Variants in POLR1D observed in about 807,000 individuals in gnomAD.
The protein encoded by POLR1D is DNA-directed RNA polymerases I and III subunit RPAC2.
In POLR1D, 8 loss-of-function variants were observed where a neutral mutation model predicts 10.8. The observed-to-expected ratio is 0.74, with a 90% CI of 0.43 to 1.33. The LOEUF (loss-of-function observed/expected upper bound fraction) is 1.33, where lower values mean the gene tolerates loss of function less well. Ranked by LOEUF, POLR1D falls within the 40% of genes most tolerant of loss-of-function variation. The pLI, the probability that POLR1D is intolerant of heterozygous loss-of-function variation, is 0.01. For synonymous variants in POLR1D, 54 were observed against 57.2 expected, an observed-to-expected ratio of 0.94 and a Z score of 0.25; for missense variants, 152 against 161.7, an observed-to-expected ratio of 0.94 and a Z score of 0.32.
At chr13:27,661,202 G>A (rs886512113) in intron 2 of POLR1D, among the ~76,000 whole-genome samples, 5 of 152,158 alleles carry the variant, frequency 3.3e-5, no homozygotes, top group African/African-American at 4.8e-5. Flanking sequence ...GTTTCAAAGT[G>A]AAGGAAATTG....
At chr13:27,647,425 G>A (rs1172519760) in intron 1 of POLR1D, among the ~76,000 whole-genome samples, 3 of 151,758 alleles carry the variant, frequency 2.0e-5, no homozygotes, top group Non-Finnish European at 2.9e-5. Context: ...GTCTTGCTAT[G>A]TTGCCCAGGC....
Position 27,622,857 on chromosome 13 carries a change from TA to T in POLR1D, c.27-12del. Reference sequence around the variant, plus strand: ...AATATTCAGTATGATCTCATTTTTATAAAAAATATGTGTGTAGAAAAATATC... The same window carrying T: ...AATATTCAGTATGATCTCATTTTTATAAAAATATGTGTGTAGAAAAATATC... On this transcript the variant is annotated splice_polypyrimidine_tract_variant and intron_variant, in intron 1 of 1. Coordinates refer to ENST00000302979, the MANE Select transcript of POLR1D (RefSeq NM_015972.4). 3 of 1,544,932 alleles carry T rather than the reference TA, an allele frequency of 1.9e-6. No homozygotes were observed. Among genetic ancestry groups the T allele is most frequent in the Non-Finnish European group, 2.7e-6 (3 of 1,118,220 alleles).
intron 2 of POLR1D, chr13:27,665,555 G>A: frequency 1.2e-6 from 1 of 827,784 alleles, no homozygotes; most frequent in Non-Finnish European, 2.1e-6. Context: ...TGGCATGCAA[G>A]GAAAGCTAAC....
At chr13:27,646,650 A>G (rs1956223248) in intron 1 of POLR1D, among the ~76,000 whole-genome samples, 1 of 152,256 alleles carries the variant, frequency 6.6e-6, no homozygotes, top group Non-Finnish European at 1.5e-5. Flanking sequence ...GATCTCAATA[A>G]GAGTTTATTT....
chr13:27,624,258 G>C (rs1050659754), downstream of POLR1D, among the ~76,000 whole-genome samples: 2 of 152,068 alleles, frequency 1.3e-5, no homozygotes, highest in African/African-American at 4.8e-5. Flanking sequence ...TCCTGGCCTT[G>C]GCATTTACTA....
chr13:27,622,767 G>A lies in POLR1D; in HGVS notation c.27-108G>A. 4.2e-6 allele frequency: 3 copies of A among 707,322 alleles called. No homozygotes were observed. In the East Asian group the frequency reaches 8.1e-5, roughly 19 times the overall value. The allele number at this position is 707,322 out of a possible 1,614,324, so 43.8% of individuals were successfully genotyped here. A position where few individuals can be genotyped will look rare whatever the true frequency, so the allele number is the denominator to read the frequency against. ...GAGAGGCGAATAATTCTGTGTAGCT[G>A]GAGTAGATTAATAATAATGTGTTGC... On this transcript the variant is annotated intron_variant, in intron 1 of 1. Coordinates refer to ENST00000302979, the MANE Select transcript of POLR1D (RefSeq NM_015972.4).
chr13:27,621,915 C>T lies in POLR1D; in HGVS notation c.-69C>T, dbSNP rs947552151. ...GTCCTTGCTTCCTGCTTCGCCTCCG[C>T]GCCTCGCGCTATGGGACAGAGCCCC... On this transcript the variant is annotated 5_prime_UTR_variant, in exon 1 of 2. Coordinates refer to ENST00000302979, the MANE Select transcript of POLR1D (RefSeq NM_015972.4). 9.9e-6 allele frequency: 15 copies of T among 1,518,074 alleles called. No homozygotes were observed. The highest frequency in any genetic ancestry group is 1.4e-5 in the African/African-American group (1 of 73,118). 94.0% of individuals were successfully genotyped at this position (1,518,074 alleles called of 1,614,324 possible). A position where few individuals can be genotyped will look rare whatever the true frequency, so the allele number is the denominator to read the frequency against.
rs35414935 is a variant in POLR1D at position 27,662,362 on chromosome 13, A to ACCC, written c.102-3318_102-3316dup. 3.0e-3 allele frequency among the ~76,000 whole-genome samples: 457 copies of ACCC among 151,042 alleles called. 2 individuals carry two copies. Among genetic ancestry groups the ACCC allele is most frequent in the African/African-American group, 0.011 (433 of 40,964 alleles). On this transcript the variant is annotated intron_variant, in intron 2 of 2. Coordinates refer to the POLR1D transcript ENST00000399697. ...ACAGCACAGATAGCATGTACTAGACACCCCCCCCACCACTACTCTGTACTT... is the reference window on the plus strand; with the variant it reads ...ACAGCACAGATAGCATGTACTAGACACCCCCCCCCCCACCACTACTCTGTACTT...
At chr13:27,662,863 T>G (rs905454222) in intron 2 of POLR1D, among the ~76,000 whole-genome samples, 1 of 152,182 alleles carries the variant, frequency 6.6e-6, no homozygotes. Context: ...CATGCAACCC[T>G]TTAAGATAGT....
rs540262454 is a variant in POLR1D at position 27,638,836 on chromosome 13, G to A, written c.27-9543G>A. 5.9e-5 allele frequency among the ~76,000 whole-genome samples: 9 copies of A among 152,086 alleles called. No homozygotes were observed. In the South Asian group the frequency reaches 1.7e-3, roughly 28 times the overall value. On this transcript the variant is annotated intron_variant, in intron 1 of 2. Coordinates refer to the POLR1D transcript ENST00000399697. Reference sequence around the variant, plus strand: ...GATTTACAGACAAAGCTTTTGGTGAGGTGATTTTTCTGGTATGTGGTGTGT... The same window carrying A: ...GATTTACAGACAAAGCTTTTGGTGAAGTGATTTTTCTGGTATGTGGTGTGT...
At chr13:27,632,594 G>A (rs75622568) in intron 1 of POLR1D, among the ~76,000 whole-genome samples, 311 of 152,196 alleles carry the variant, frequency 2.0e-3, no homozygotes, top group Admixed American at 5.3e-3. Context: ...AGAACTGAAG[G>A]ATAGGTGTCA....
chr13:27,657,296 G>A (rs943121988), intron 2 of POLR1D, among the ~76,000 whole-genome samples: 9 of 152,104 alleles, frequency 5.9e-5, no homozygotes, highest in African/African-American at 1.9e-4. Flanking sequence ...TTGGGAGGCC[G>A]AGGCAGGTGG....
chr13:27,649,650 GAAACATC>G (rs1350270503), intron 2 of POLR1D, among the ~76,000 whole-genome samples: 3 of 152,096 alleles, frequency 2.0e-5, no homozygotes, highest in Admixed American at 1.3e-4. Context: ...ATTTGAATTG[GAAACATC>G]AGTATGAGGT....
chr13:27,631,327 G>T (rs796631519), intron 1 of POLR1D, among the ~76,000 whole-genome samples: 2 of 152,176 alleles, frequency 1.3e-5, no homozygotes, highest in African/African-American at 4.8e-5. Flanking sequence ...GCCAGAGCCA[G>T]GAAAACAGAG....
At chr13:27,661,890 A>G (rs1420994433) in intron 2 of POLR1D, among the ~76,000 whole-genome samples, 3 of 152,184 alleles carry the variant, frequency 2.0e-5, no homozygotes, top group African/African-American at 7.2e-5. Flanking sequence ...TGGAAATACA[A>G]ATGATAAGCT....
At chr13:27,625,477 CAATTACTGAA>C (rs1228796476), downstream of POLR1D, among the ~76,000 whole-genome samples, 2 of 151,912 alleles carry the variant, frequency 1.3e-5, no homozygotes, top group Admixed American at 1.3e-4. Context: ...GCTTTGGGGC[CAATTACTGAA>C]ATTGGGAAGC....
At position 27,664,148 on chromosome 13, in the gene POLR1D, G is replaced by A. The variant is rs144784771; in HGVS notation, c.102-1538G>A. On this transcript the variant is annotated intron_variant, in intron 2 of 2. Transcript: ENST00000399697. ...GAGAACTCGGCTTGCCTCTCATCAC[G>A]TGCCTGTCTTCCCGCACAGGAATGT... Among the ~76,000 whole-genome samples the A allele has an allele frequency of 3.2e-3, 481 of 152,264 alleles. 2 individuals are homozygous for A. Among genetic ancestry groups the A allele is most frequent in the African/African-American group, 0.011 (466 of 41,554 alleles).
At chr13:27,662,599 T>A (rs796592183) in intron 2 of POLR1D, among the ~76,000 whole-genome samples, 1 of 152,220 alleles carries the variant, frequency 6.6e-6, no homozygotes, top group East Asian at 1.9e-4. Flanking sequence ...TGCAGTTTGC[T>A]GTATGCCAGA....
intron 1 of POLR1D, among the ~76,000 whole-genome samples, chr13:27,628,946 G>A (rs1956046116): frequency 6.6e-6 from 1 of 152,150 alleles, no homozygotes; most frequent in African/African-American, 2.4e-5. Context: ...CTCCTGAGCA[G>A]CTGAGACTAC....
Sources: allele counts gnomAD v4.1 joint callset (sites outside exome capture counted in the v4.1 genomes callset), GRCh38; gene constraint gnomAD v4.1.1; transcripts MANE v1.5; gene names NCBI Gene and HGNC (gene_info 2026-07-23, HGNC 2026-07-21).